The following FAR2 variants were observed in gnomAD, a reference collection of about 807,000 sequenced individuals.
The protein encoded by FAR2 is fatty acyl-CoA reductase 2.
A neutral mutation model predicts 56.0 loss-of-function variants in FAR2; 19 were observed. The ratio of observed to expected loss-of-function variants is 0.34; its 90% CI spans 0.24 to 0.50. The LOEUF is 0.50. Ranked by LOEUF, FAR2 falls within the 20% of genes least tolerant of loss-of-function variation. FAR2 has a pLI of 0.98. For synonymous variants in FAR2, 219 were observed against 218.8 expected (o/e 1.00, Z -0.01); for missense variants, 508 against 642.2 (o/e 0.79, Z 2.26).
intron 1 of FAR2, among the ~76,000 whole-genome samples, chr12:29,196,111 A>G (rs1454121470): frequency 2.0e-5 from 3 of 152,166 alleles, no homozygotes; most frequent in African/African-American, 7.2e-5. Flanking sequence ...ATGATCACTT[A>G]GGTTGATTGC....
intron 1 of FAR2, among the ~76,000 whole-genome samples, chr12:29,167,507 T>A (rs1242162666): frequency 1.3e-5 from 2 of 152,334 alleles, no homozygotes; most frequent in East Asian, 3.9e-4. Flanking sequence ...TTTCAGTCTC[T>A]CAGAGCATGT....
rs1456955042 is a variant in FAR2, at chr12:29,332,589, T to C, written c.1258-11T>C. 1 of 1,613,352 alleles carries C rather than the reference T, an allele frequency of 6.2e-7. No homozygotes were observed. Among genetic ancestry groups the C allele is most frequent in the Non-Finnish European group, 8.5e-7 (1 of 1,179,572 alleles). The stretch of plus-strand genomic sequence containing the variant: ...CAATTCTGGCAATCTATAATCTCTC[T>C]TGCCTCTCAGGTATTCAACTTTGAC... On this transcript the variant is annotated splice_polypyrimidine_tract_variant and intron_variant, in intron 10 of 11. Coordinates refer to ENST00000536681, the MANE Select transcript of FAR2 (RefSeq NM_001271783.2).
intron 1 of FAR2, among the ~76,000 whole-genome samples, chr12:29,265,618 C>A (rs1217658493): frequency 1.3e-5 from 2 of 151,948 alleles, no homozygotes; most frequent in African/African-American, 4.8e-5. Context: ...TGGGTCTGGG[C>A]AAAGATTTCT....
At chr12:29,268,316 A>G (rs1948553515) in intron 1 of FAR2, among the ~76,000 whole-genome samples, 1 of 152,206 alleles carries the variant, frequency 6.6e-6, no homozygotes, top group East Asian at 1.9e-4. Flanking sequence ...ACAGAAAGGA[A>G]GATCTTCCCC....
intron 1 of FAR2, among the ~76,000 whole-genome samples, chr12:29,207,053 GAA>G (rs1469401190): frequency 6.6e-6 from 1 of 151,902 alleles, no homozygotes; most frequent in Admixed American, 6.6e-5. Context: ...TGGTGTGAGA[GAA>G]AAAAAGAGAG....
At chr12:29,199,711 G>A (rs1292628350) in intron 1 of FAR2, among the ~76,000 whole-genome samples, 1 of 151,904 alleles carries the variant, frequency 6.6e-6, no homozygotes, top group Non-Finnish European at 1.5e-5. Flanking sequence ...ATGGCAGGCA[G>A]AGGTCTCAAG....
chr12:29,259,985 T>G (rs571606495), intron 1 of FAR2, among the ~76,000 whole-genome samples: 12 of 152,324 alleles, frequency 7.9e-5, no homozygotes, highest in Non-Finnish European at 1.5e-4. Flanking sequence ...AAGGAGGCCA[T>G]GACCCAGTGA....
At chr12:29,225,181 A>T (rs1200438400) in intron 1 of FAR2, among the ~76,000 whole-genome samples, 2 of 152,264 alleles carry the variant, frequency 1.3e-5, no homozygotes, top group Non-Finnish European at 2.9e-5. Flanking sequence ...GGCTCCAGTG[A>T]CCTGTAATGG....
intron 1 of FAR2, among the ~76,000 whole-genome samples, chr12:29,263,381 G>A (rs1948457172): frequency 6.6e-6 from 1 of 152,042 alleles, no homozygotes; most frequent in African/African-American, 2.4e-5. Flanking sequence ...CATTCTCAAG[G>A]ATAGACCATA....
intron 1 of FAR2, among the ~76,000 whole-genome samples, chr12:29,183,893 C>G (rs1320164633): frequency 6.6e-6 from 1 of 152,140 alleles, no homozygotes; most frequent in Non-Finnish European, 1.5e-5. Context: ...TAGATGCCTT[C>G]AGATTTTCAG....
chr12:29,201,566 G>C (rs373728052), intron 1 of FAR2, among the ~76,000 whole-genome samples: 15 of 152,234 alleles, frequency 9.9e-5, no homozygotes, highest in East Asian at 3.9e-4. Context: ...GACTCATCAA[G>C]GGAAGAACTT....
intron 1 of FAR2, among the ~76,000 whole-genome samples, chr12:29,244,094 T>TATG (rs1948086609): frequency 6.6e-6 from 1 of 152,234 alleles, no homozygotes; most frequent in South Asian, 2.1e-4. Context: ...TATTATCTGC[T>TATG]ATGTCATTTG....
intron 1 of FAR2, among the ~76,000 whole-genome samples, chr12:29,183,092 T>C (rs140329872): frequency 2.0e-5 from 3 of 152,274 alleles, no homozygotes; most frequent in Admixed American, 6.5e-5. Flanking sequence ...CCAGTCCTCA[T>C]TAAAGCGGAA....
At chr12:29,282,045 T>A (rs1471623121) in intron 2 of FAR2, 1 of 152,188 alleles carries the variant, frequency 6.6e-6, no homozygotes, top group East Asian at 1.9e-4. Flanking sequence ...TTCCCTTAAG[T>A]AATAGCCCTA....
intron 1 of FAR2, among the ~76,000 whole-genome samples, chr12:29,191,014 CT>C (rs1358044157): frequency 2.6e-5 from 4 of 152,192 alleles, no homozygotes; most frequent in East Asian, 1.9e-4. Context: ...ATTCCTGCCC[CT>C]GTCCTCATTT....
At chr12:29,282,572 T>TA (rs35024086) in intron 2 of FAR2, among the ~76,000 whole-genome samples, 76,430 of 151,940 alleles carry the variant, frequency 0.5, 20,017 homozygotes, top group African/African-American at 0.66. Context: ...TTCCTGAAGG[T>TA]AATAAACCAT....
Position 29,322,413 on chromosome 12 carries a change from C to G in FAR2, c.1257+489C>G, listed in dbSNP as rs116310998. Among the ~76,000 whole-genome samples, 1,224 of 152,336 alleles carry G rather than the reference C, an allele frequency of 8.0e-3. 9 individuals are homozygous for G. The highest frequency in any genetic ancestry group is 0.028 in the African/African-American group (1,162 of 41,572). On this transcript the variant is annotated intron_variant, in intron 10 of 11. Transcript: ENST00000536681. ...TAAAGCTAATCCCTACACCTATGCACTCTGCCTCACCTCAGACCTCCCTTC... is the reference window on the plus strand; with the variant it reads ...TAAAGCTAATCCCTACACCTATGCAGTCTGCCTCACCTCAGACCTCCCTTC...
At chr12:29,245,425 TTATG>T (rs1462356428) in intron 1 of FAR2, among the ~76,000 whole-genome samples, 2 of 152,234 alleles carry the variant, frequency 1.3e-5, no homozygotes, top group African/African-American at 4.8e-5. Context: ...TCTGCTTTAT[TTATG>T]TGTCAGTACT....
At position 29,276,845 on chromosome 12, in the gene FAR2, T is replaced by TTATA. The variant is rs140259257; in HGVS notation, c.189+6219_189+6222dup. 6.7e-4 allele frequency among the ~76,000 whole-genome samples: 100 copies of TTATA among 149,356 alleles called. 1 individual carries two copies. Among genetic ancestry groups the TTATA allele is most frequent in the Middle Eastern group, 3.5e-3 (1 of 284 alleles). On this transcript the variant is annotated intron_variant, in intron 2 of 11. Coordinates refer to ENST00000536681, the MANE Select transcript of FAR2 (RefSeq NM_001271783.2). ...GAAAGGTGAAAGAAACCTCTAGATT[T>TTATA]TATATATATATATATGTAAAATCTC...
Sources: allele counts gnomAD v4.1 joint callset (sites outside exome capture counted in the v4.1 genomes callset), GRCh38; gene constraint gnomAD v4.1.1; transcripts MANE v1.5; gene names NCBI Gene and HGNC (gene_info 2026-07-23, HGNC 2026-07-21).